Variants in EEF1D observed in about 807,000 individuals in gnomAD.
EEF1D encodes the protein eukaryotic translation elongation factor 1 delta, also known as elongation factor 1-delta.
Under a neutral mutation model 63.9 loss-of-function variants are expected in EEF1D, and 47 were observed. The observed-to-expected ratio is 0.74, with a 90% CI of 0.58 to 0.94. The LOEUF is 0.94. EEF1D is among the 40% of genes least tolerant of loss of function. EEF1D has a pLI of 0.00. For missense variants in EEF1D, 907 were observed against 899.0 expected (o/e 1.01, Z -0.11); for synonymous variants, 412 against 386.1 (o/e 1.07, Z -0.79).
At position 143,580,700 on chromosome 8, in the gene EEF1D, G is replaced by C. The variant is rs1005799678; in HGVS notation, c.1516C>G (p.Pro506Ala). The stretch of plus-strand genomic sequence containing the variant: ...GGTGTGGCTGGCTTCTTGGCTGGGG[G>C]CTCCACTTGGCGCATGGGAGATACG... Reference protein sequence around the residue: ...QHVSPMRQVEPPAKKPATPAE... With the variant: ...QHVSPMRQVEAPAKKPATPAE... The change falls in exon 8 of 10, where the codon CCC (proline) becomes GCC (alanine). Residue 506 changes from proline (P) to alanine (A), a missense_variant. Pro to Ala is a conservative substitution (Grantham distance 27). Coordinates refer to ENST00000618139, the MANE Select transcript of EEF1D (RefSeq NM_001130053.5). The C allele has an allele frequency of 6.2e-7, 1 of 1,613,636 alleles. No individual in the cohort carries two copies. Among genetic ancestry groups the C allele is most frequent in the South Asian group, 1.1e-5 (1 of 91,078 alleles).
At chr8:143,586,989 C>G (rs1001197121) in intron 3 of EEF1D, 137 bp from the exon 4 acceptor site, 1 of 1,221,950 alleles carries the variant, frequency 8.2e-7, no homozygotes, top group Non-Finnish European at 1.2e-6. Context: ...ACACCAAGCC[C>G]GTAAGCCCTC....
intron 4 of EEF1D, 49 bp downstream of exon 4, chr8:143,586,680 C>T: frequency 6.2e-7 from 1 of 1,600,886 alleles, no homozygotes; most frequent in Non-Finnish European, 8.5e-7. Context: ...GCCCCGGCCA[C>T]TCCTGTCGGG....
chr8:143,593,053 T>A (rs1828237437), intron 1 of EEF1D: 1 of 152,134 alleles, frequency 6.6e-6, no homozygotes, highest in Admixed American at 6.5e-5. Context: ...CCCACAAGCA[T>A]CCCCTGGAGC....
intron 3 of EEF1D, chr8:143,587,466 A>C (rs6996863): frequency 0.19 from 29,404 of 152,260 alleles, 2,993 homozygotes; most frequent in Middle Eastern, 0.27. Flanking sequence ...AGTAACTGGG[A>C]CTACCAGTGC....
At chr8:143,585,476 G>A (rs1826395239) in intron 5 of EEF1D, among the ~76,000 whole-genome samples, 1 of 152,182 alleles carries the variant, frequency 6.6e-6, no homozygotes, top group Non-Finnish European at 1.5e-5. Context: ...CAGATTTCTG[G>A]CCTGGAAACC....
chr8:143,585,914 CATGCCAG>C, intron 5 of EEF1D: 1 of 401,194 alleles, frequency 2.5e-6, no homozygotes, highest in Non-Finnish European at 4.5e-6. Flanking sequence ...CACAGGCTCT[CATGCCAG>C]GTGCCCACAG....
chr8:143,583,111 G>A (rs1825874238), intron 5 of EEF1D: 1 of 152,192 alleles, frequency 6.6e-6, no homozygotes, highest in Non-Finnish European at 1.5e-5. Flanking sequence ...GAGGGGCAGG[G>A]GGCTAATCCA....
intron 1 of EEF1D, among the ~76,000 whole-genome samples, chr8:143,594,726 G>C (rs530989018): frequency 6.6e-6 from 1 of 152,346 alleles, no homozygotes; most frequent in South Asian, 2.1e-4. Context: ...GGCCCACCTG[G>C]CTGGCCTGAG....
chr8:143,580,787 G>T, intron 7 of EEF1D, 60 bp from the exon 8 acceptor site: 1 of 1,582,958 alleles, frequency 6.3e-7, no homozygotes, highest in Non-Finnish European at 8.6e-7. Context: ...GCCCAGAGCT[G>T]CCTGGCCACC....
intron 5 of EEF1D, among the ~76,000 whole-genome samples, chr8:143,584,405 A>C (rs1417132290): frequency 1.4e-5 from 2 of 145,248 alleles, no homozygotes; most frequent in Non-Finnish European, 3.1e-5. Flanking sequence ...AAAAAAAAAA[A>C]GAAAAAAAAA....
In EEF1D at chr8:143,590,095, C is replaced by T. The variant is rs200364826; in HGVS notation, c.1-14G>A. ...CCCGCTCCTCATCTTCCGGACACAG[C>T]GATAAAAAGCAAGCAGAGGGCAGAG... On this transcript the variant is annotated splice_polypyrimidine_tract_variant and intron_variant, in intron 2 of 9. Transcript: ENST00000618139. The T allele has an allele frequency of 3.1e-6, 5 of 1,598,246 alleles. No homozygotes were observed. The highest frequency in any genetic ancestry group is 1.7e-5 in the Admixed American group (1 of 60,020).
intron 7 of EEF1D, 41 bp downstream of exon 7, chr8:143,581,013 A>G (rs1339064000): frequency 1.3e-6 from 2 of 1,592,354 alleles, no homozygotes; most frequent in Middle Eastern, 2.2e-4. Flanking sequence ...CAGCAGGGCC[A>G]CGTGGTCCCC....
In EEF1D at chr8:143,580,115, G is replaced by A; in HGVS notation, c.1802C>T (p.Pro601Leu). 1.2e-6 allele frequency: 2 copies of A among 1,613,938 alleles called. No homozygotes were observed. Among genetic ancestry groups the A allele is most frequent in the Non-Finnish European group, 1.7e-6 (2 of 1,180,012 alleles). ...TAGCTTCCGGATACCGTAGCCCACG[G>A]GCACCAGCTTGGAAGCCCCCCAGAC... Reference protein sequence around the residue: ...GLVWGASKLVPVGYGIRKLQI... With the variant: ...GLVWGASKLVLVGYGIRKLQI... Residue 601 changes from proline to leucine, a missense_variant, in exon 9 of 10, where the codon CCC (proline) becomes CTC (leucine). Pro to Leu is a moderately conservative substitution (Grantham distance 98). Coordinates refer to ENST00000618139, the MANE Select transcript of EEF1D (RefSeq NM_001130053.5).
chr8:143,594,959 G>A (rs1282634390), intron 1 of EEF1D, among the ~76,000 whole-genome samples: 1 of 152,232 alleles, frequency 6.6e-6, no homozygotes, highest in Non-Finnish European at 1.5e-5. Context: ...AGGCTGGAGT[G>A]CAGTGGCGCG....
chr8:143,588,580 C>T (rs1827172717), intron 3 of EEF1D, among the ~76,000 whole-genome samples: 1 of 152,220 alleles, frequency 6.6e-6, no homozygotes, highest in South Asian at 2.1e-4. Context: ...CTGGCTCCCA[C>T]ATCTCATCGC....
intron 2 of EEF1D, among the ~76,000 whole-genome samples, chr8:143,591,914 G>A (rs1409903666): frequency 6.6e-6 from 1 of 152,244 alleles, no homozygotes; most frequent in African/African-American, 2.4e-5. Flanking sequence ...GCACTCTGCA[G>A]CCTCTAAGTG....
At chr8:143,584,770 G>T (rs945697341) in intron 5 of EEF1D, among the ~76,000 whole-genome samples, 1 of 152,100 alleles carries the variant, frequency 6.6e-6, no homozygotes, top group African/African-American at 2.4e-5. Context: ...CAGCGGGGGG[G>T]ACCATGGGCC....
intron 4 of EEF1D, 115 bp downstream of exon 4, chr8:143,586,614 G>T: frequency 1.4e-6 from 2 of 1,446,246 alleles, no homozygotes; most frequent in Non-Finnish European, 1.9e-6. Context: ...ACCCACAGCA[G>T]AGCCACTGGG....
At chr8:143,595,864 G>T (rs62522167) in intron 1 of EEF1D, among the ~76,000 whole-genome samples, 2 of 152,188 alleles carry the variant, frequency 1.3e-5, no homozygotes, top group Admixed American at 6.5e-5. Flanking sequence ...GGCTGTCAGC[G>T]AGGTGGGAGA....
Sources: allele counts gnomAD v4.1 joint callset (sites outside exome capture counted in the v4.1 genomes callset), GRCh38; gene constraint gnomAD v4.1.1; transcripts MANE v1.5; gene names NCBI Gene and HGNC (gene_info 2026-07-23, HGNC 2026-07-21).